NUDCD3: variants seen among roughly 807,000 people sequenced by gnomAD.
NUDCD3 encodes NudC domain containing 3.
A neutral mutation model predicts 39.7 loss-of-function variants in NUDCD3; 13 were observed. That is an observed-to-expected ratio of 0.33 (90% CI 0.21 to 0.52). NUDCD3 has a LOEUF of 0.52. Ranked by LOEUF, NUDCD3 falls within the 20% of genes least tolerant of loss-of-function variation. The pLI is 0.96. For synonymous variants in NUDCD3, 175 were observed against 172.4 expected, an observed-to-expected ratio of 1.02 and a Z score of -0.12; for missense variants, 453 against 458.1, an observed-to-expected ratio of 0.99 and a Z score of 0.10.
At chr7:44,420,546 C>A (rs149527891) in intron 3 of NUDCD3, among the ~76,000 whole-genome samples, 1 of 152,066 alleles carries the variant, frequency 6.6e-6, no homozygotes, top group Admixed American at 6.5e-5. Flanking sequence ...GACACATAAT[C>A]GTCAGATTCT....
intron 5 of NUDCD3, among the ~76,000 whole-genome samples, chr7:44,389,030 T>C (rs1328627759): frequency 6.6e-6 from 1 of 152,196 alleles, no homozygotes; most frequent in Non-Finnish European, 1.5e-5. Flanking sequence ...GGACTTTCTG[T>C]TCCACGCCTG....
intron 4 of NUDCD3, 47 bp from the exon 5 acceptor site, chr7:44,392,532 T>C (rs1798541188): frequency 6.4e-7 from 1 of 1,565,244 alleles, no homozygotes; most frequent in African/African-American, 1.3e-5. Flanking sequence ...CTGAGACAGG[T>C]GTCCAGGGCT....
intron 2 of NUDCD3, among the ~76,000 whole-genome samples, chr7:44,478,775 A>G (rs559284148): frequency 6.6e-6 from 1 of 152,218 alleles, no homozygotes; most frequent in Non-Finnish European, 1.5e-5. Context: ...AAACCTGTAC[A>G]TTATTATGTA....
chr7:44,434,623 T>C (rs906869305), intron 2 of NUDCD3, among the ~76,000 whole-genome samples: 2 of 151,942 alleles, frequency 1.3e-5, no homozygotes, highest in African/African-American at 4.8e-5. Context: ...ACACAAAAGG[T>C]TTGATGCCAA....
In NUDCD3 at chr7:44,450,270, T is replaced by C. The variant is rs1233399628; in HGVS notation, c.510-22567A>G. Among the ~76,000 whole-genome samples the C allele has an allele frequency of 2.0e-5, 3 of 151,708 alleles. No individual in the cohort carries two copies. The South Asian group carries it at 6.3e-4, about 32-fold the overall frequency. ...TCAGCTCACTGCAACCTCTACCTCC[T>C]GGGGTCAAGAGATTCTCGTGCCTCA... is the stretch of plus-strand genomic sequence containing the variant. On this transcript the variant is annotated intron_variant, in intron 2 of 5. Coordinates refer to ENST00000355451, the MANE Select transcript of NUDCD3 (RefSeq NM_015332.4).
intron 3 of NUDCD3, among the ~76,000 whole-genome samples, chr7:44,404,905 T>C (rs1585057211): frequency 6.6e-6 from 1 of 152,138 alleles, no homozygotes; most frequent in East Asian, 1.9e-4. Flanking sequence ...CAGCAAAAAG[T>C]GAGCAGAGGA....
At chr7:44,434,543 T>C (rs974746949) in intron 2 of NUDCD3, among the ~76,000 whole-genome samples, 1 of 152,186 alleles carries the variant, frequency 6.6e-6, no homozygotes, top group Non-Finnish European at 1.5e-5. Flanking sequence ...GCTTCTTTAC[T>C]AGCAGGGATG....
chr7:44,412,648 C>T (rs534939666), intron 3 of NUDCD3, among the ~76,000 whole-genome samples: 1 of 152,242 alleles, frequency 6.6e-6, no homozygotes, highest in African/African-American at 2.4e-5. Flanking sequence ...ATTGGCAGGG[C>T]CGGGCGCAGT....
chr7:44,464,734 G>T (rs1026422526), intron 2 of NUDCD3, among the ~76,000 whole-genome samples: 1 of 152,206 alleles, frequency 6.6e-6, no homozygotes. Flanking sequence ...GATTACAGGT[G>T]TGAGACACCA....
chr7:44,464,217 AAAAAAAAAAAAAG>A (rs1380004415), intron 2 of NUDCD3, among the ~76,000 whole-genome samples: 1 of 147,024 alleles, frequency 6.8e-6, no homozygotes, highest in African/African-American at 2.4e-5. Flanking sequence ...CCATCTCAAA[AAAAAAAAAAAAAG>A]AAAAAGAAAA....
At chr7:44,468,407 T>C in intron 2 of NUDCD3, 1 of 921,542 alleles carries the variant, frequency 1.1e-6, no homozygotes, top group Non-Finnish European at 1.6e-6. Flanking sequence ...CGAAAGAATT[T>C]GTTTGTTCAA....
intron 3 of NUDCD3, among the ~76,000 whole-genome samples, chr7:44,427,242 T>C (rs1045580923): frequency 1.3e-5 from 2 of 152,190 alleles, no homozygotes; most frequent in Admixed American, 1.3e-4. Flanking sequence ...AAGCTGGCCA[T>C]CTACAATAGG....
At chr7:44,456,139 C>A (rs1799895722) in intron 2 of NUDCD3, among the ~76,000 whole-genome samples, 1 of 149,280 alleles carries the variant, frequency 6.7e-6, no homozygotes, top group African/African-American at 2.5e-5. Flanking sequence ...AAAAAAACCT[C>A]AACACTAGGA....
intron 1 of NUDCD3, among the ~76,000 whole-genome samples, chr7:44,485,941 G>A (rs932089004): frequency 6.6e-5 from 10 of 152,206 alleles, no homozygotes; most frequent in Non-Finnish European, 1.2e-4. Flanking sequence ...GTACAGTCAA[G>A]ACATACCCAC....
In NUDCD3 at chr7:44,382,294, C is replaced by G. The variant is rs1798318195; in HGVS notation, c.*3717G>C. The G allele has an allele frequency of 6.6e-6, 1 of 152,040 alleles. No homozygotes were observed. Among genetic ancestry groups the G allele is most frequent in the Admixed American group, 6.5e-5 (1 of 15,282 alleles). 9.4% of individuals were successfully genotyped at this position (152,040 alleles called of 1,614,324 possible). A position where few individuals can be genotyped will look rare whatever the true frequency, so the allele number is the denominator to read the frequency against. On this transcript the variant is annotated 3_prime_UTR_variant, in exon 6 of 6. Coordinates refer to ENST00000355451, the MANE Select transcript of NUDCD3 (RefSeq NM_015332.4). Reference sequence around the variant, plus strand: ...ATCTGTACACCAAACCCCTATGATCCAATTTACCCATGTAACAACCCTTGA... The same window carrying G: ...ATCTGTACACCAAACCCCTATGATCGAATTTACCCATGTAACAACCCTTGA...
rs115249562 is a variant in NUDCD3 at position 44,470,638 on chromosome 7, G to A, written c.509+14330C>T. ...ATAGTCCTGGGCATCTGTAACTCAG[G>A]GGCTGCAAGGGAAGCAACCCATGAG... On this transcript the variant is annotated intron_variant, in intron 2 of 5. Transcript: ENST00000355451. 6.1e-3 allele frequency among the ~76,000 whole-genome samples: 933 copies of A among 152,262 alleles called. 7 individuals carry two copies. The highest frequency in any genetic ancestry group is 0.021 in the African/African-American group (891 of 41,532).
At chr7:44,447,798 C>A (rs1799714775) in intron 2 of NUDCD3, among the ~76,000 whole-genome samples, 2 of 152,168 alleles carry the variant, frequency 1.3e-5, no homozygotes, top group African/African-American at 2.4e-5. Flanking sequence ...CACATGAAGA[C>A]AAGAGACATA....
chr7:44,458,656 C>T (rs1218523430), intron 2 of NUDCD3, among the ~76,000 whole-genome samples: 2 of 141,574 alleles, frequency 1.4e-5, no homozygotes, highest in Non-Finnish European at 3.1e-5. Flanking sequence ...GAAACTCTGT[C>T]TCGGGGGAAA....
In NUDCD3 at chr7:44,490,594, T is replaced by C. The variant is rs307007; in HGVS notation, c.7A>G (p.Thr3Ala). Reference sequence around the variant, plus strand: ...TGGTCATACAGCTCGGCCGCCCCTGTCTCCATGTCGCCTCCCGCCCTAGGT... The same window carrying C: ...TGGTCATACAGCTCGGCCGCCCCTGCCTCCATGTCGCCTCCCGCCCTAGGT... ME[T>A]GAAELYDQAL... Residue 3 changes from threonine to alanine, a missense_variant, in exon 1 of 6, where the codon ACA becomes GCA. Coordinates refer to ENST00000355451, the MANE Select transcript of NUDCD3 (RefSeq NM_015332.4). 1 of 1,605,554 alleles carries C rather than the reference T, an allele frequency of 6.2e-7. No homozygotes were observed. The highest frequency in any genetic ancestry group is 8.5e-7 in the Non-Finnish European group (1 of 1,176,036).
Sources: gnomAD v4.1 joint callset for allele counts (sites outside exome capture counted in the v4.1 genomes callset) on GRCh38, gnomAD v4.1.1 for gene constraint, MANE v1.5 for transcripts, NCBI Gene and HGNC (gene_info 2026-07-23, HGNC 2026-07-21) for gene names.